The following SP140 variants were observed in gnomAD, a reference collection of about 807,000 sequenced individuals.
The protein encoded by SP140 is SP140 nuclear body protein.
In SP140, 81 loss-of-function variants were observed where a neutral mutation model predicts 125.0. The observed-to-expected ratio is 0.65, with a 90% CI of 0.54 to 0.78. The LOEUF (loss-of-function observed/expected upper bound fraction) is 0.78, where lower values mean the gene tolerates loss of function less well. Among genes scored for constraint, SP140 ranks in the 30% least tolerant of loss-of-function variants. The pLI is 0.00. For synonymous variants in SP140, 312 were observed against 354.0 expected (o/e 0.88, Z 1.33); for missense variants, 858 against 1,037.0 (o/e 0.83, Z 2.37).
upstream of SP140, among the ~76,000 whole-genome samples, chr2:230,221,248 T>C (rs911379761): frequency 5.6e-5 from 8 of 144,070 alleles, no homozygotes; most frequent in East Asian, 1.6e-3. Flanking sequence ...ACCACTGCAC[T>C]CCAGCCTGGG....
chr2:230,223,331 A>G (rs1251863614), upstream of SP140, among the ~76,000 whole-genome samples: 1 of 152,166 alleles, frequency 6.6e-6, no homozygotes, highest in Non-Finnish European at 1.5e-5. Context: ...CACCATGCCC[A>G]GCCCAGTCTG....
chr2:230,295,704 A>T (rs2057638677), intron 21 of SP140, among the ~76,000 whole-genome samples: 1 of 152,194 alleles, frequency 6.6e-6, no homozygotes, highest in Non-Finnish European at 1.5e-5. Flanking sequence ...TTTCAGTGTC[A>T]CTATGAGTGC....
chr2:230,192,864 C>A, the SP140 span, among the ~76,000 whole-genome samples: 16 of 152,168 alleles, frequency 1.1e-4, no homozygotes, highest in South Asian at 4.2e-4. Context: ...TCTATTAGGT[C>A]CATTTGTTCT....
In SP140 at chr2:230,307,988, T is replaced by C. The variant is rs4635522; in HGVS notation, c.2059-1936T>C. 2.2e-3 allele frequency among the ~76,000 whole-genome samples: 166 copies of C among 74,422 alleles called. 2 individuals are homozygous for C. Among genetic ancestry groups the C allele is most frequent in the African/African-American group, 7.5e-3 (128 of 17,034 alleles). 48.8% of individuals were successfully genotyped at this position (74,422 alleles called of 152,430 possible). On this transcript the variant is annotated intron_variant, in intron 22 of 26. Transcript: ENST00000392045. The stretch of plus-strand genomic sequence containing the variant: ...ATATATATATATATATATATATATA[T>C]ATACACACACACACACACACACACA...
At chr2:230,251,145 C>A in intron 10 of SP140, 84 bp downstream of exon 10, 1 of 1,124,812 alleles carries the variant, frequency 8.9e-7, no homozygotes. Context: ...ATTGTCTTTC[C>A]TCCAAGTATA....
chr2:230,301,895 C>T (rs996239741), intron 22 of SP140, among the ~76,000 whole-genome samples: 5 of 152,128 alleles, frequency 3.3e-5, no homozygotes, highest in Non-Finnish European at 7.3e-5. Flanking sequence ...ACTCACCTAA[C>T]ACATAAGGAC....
intron 1 of SP140, among the ~76,000 whole-genome samples, chr2:230,226,841 A>G (rs2046486891): frequency 1.3e-5 from 2 of 152,026 alleles, no homozygotes; most frequent in Admixed American, 1.3e-4. Flanking sequence ...CATGGATCTA[A>G]CCAACCATGA....
At chr2:230,267,790 T>C (rs975316358) in intron 12 of SP140, among the ~76,000 whole-genome samples, 2 of 152,214 alleles carry the variant, frequency 1.3e-5, no homozygotes, top group Non-Finnish European at 2.9e-5. Context: ...AAAGGGGACA[T>C]ATGATTAATT....
chr2:230,226,195 C>T (rs1335491906), intron 1 of SP140, among the ~76,000 whole-genome samples: 4 of 152,056 alleles, frequency 2.6e-5, no homozygotes, highest in African/African-American at 9.7e-5. Context: ...GATGATTCCC[C>T]GTGACCTCTG....
chr2:230,232,605 A>ATAGTTT, intron 1 of SP140, among the ~76,000 whole-genome samples: 1 of 152,222 alleles, frequency 6.6e-6, no homozygotes, highest in East Asian at 1.9e-4. Flanking sequence ...TTTTGTTTTA[A>ATAGTTT]ATTTTGGTTT....
upstream of SP140, among the ~76,000 whole-genome samples, chr2:230,198,505 C>T (rs2042980942): frequency 1.3e-5 from 2 of 152,176 alleles, no homozygotes; most frequent in South Asian, 4.1e-4. Context: ...GATTCTGAGC[C>T]CCTTATTCTT....
At chr2:230,250,034 C>A (rs1213075958) in intron 9 of SP140, among the ~76,000 whole-genome samples, 1 of 152,174 alleles carries the variant, frequency 6.6e-6, no homozygotes, top group Non-Finnish European at 1.5e-5. Flanking sequence ...CAGGACCCTG[C>A]CCCTTGCAAT....
chr2:230,309,024 C>T (rs377077262), intron 22 of SP140, among the ~76,000 whole-genome samples: 5 of 152,146 alleles, frequency 3.3e-5, no homozygotes, highest in Non-Finnish European at 7.3e-5. Context: ...TTTTAATGAC[C>T]GGGATTTGCT....
chr2:230,236,668 C>T (rs563498923), intron 1 of SP140, among the ~76,000 whole-genome samples: 22 of 152,284 alleles, frequency 1.4e-4, no homozygotes, highest in African/African-American at 5.1e-4. Context: ...GGCAATCTGC[C>T]CTACTCCAAA....
intron 7 of SP140, among the ~76,000 whole-genome samples, chr2:230,246,572 C>G (rs2049482803): frequency 6.6e-6 from 1 of 152,084 alleles, no homozygotes; most frequent in African/African-American, 2.4e-5. Flanking sequence ...AGGGAAGGGT[C>G]CCTGCCCCTT....
chr2:230,250,022 C>T (rs1000180379), intron 9 of SP140, among the ~76,000 whole-genome samples: 51 of 152,200 alleles, frequency 3.4e-4, no homozygotes, highest in Non-Finnish European at 7.2e-4. Context: ...AGATATTTAT[C>T]CCAGGACCCT....
chr2:230,202,019 G>A (rs2043233459), upstream of SP140, among the ~76,000 whole-genome samples: 1 of 152,142 alleles, frequency 6.6e-6, no homozygotes, highest in African/African-American at 2.4e-5. Context: ...ACAACTGAAT[G>A]CAGAAACAGT....
At chr2:230,240,973 A>G (rs2048642768) in intron 3 of SP140, among the ~76,000 whole-genome samples, 1 of 152,236 alleles carries the variant, frequency 6.6e-6, no homozygotes, top group Non-Finnish European at 1.5e-5. Context: ...AGCAATAAAA[A>G]GAATGAACTG....
intron 1 of SP140, among the ~76,000 whole-genome samples, chr2:230,209,156 C>G (rs897874650): frequency 6.6e-6 from 1 of 151,922 alleles, no homozygotes; most frequent in African/African-American, 2.4e-5. Flanking sequence ...GGACAGGTAT[C>G]AAAAAAGGAA....
Sources: allele counts gnomAD v4.1 joint callset (sites outside exome capture counted in the v4.1 genomes callset), GRCh38; gene constraint gnomAD v4.1.1; transcripts MANE v1.5; gene names NCBI Gene and HGNC (gene_info 2026-07-23, HGNC 2026-07-21).